The following DCC variants were observed in gnomAD, a reference collection of about 807,000 sequenced individuals.
DCC encodes DCC netrin 1 receptor, also known as netrin receptor DCC.
In DCC, 58 loss-of-function variants were observed where a neutral mutation model predicts 172.5. The observed-to-expected ratio is 0.34, with a 90% CI of 0.27 to 0.42. The LOEUF (loss-of-function observed/expected upper bound fraction) is 0.42, where lower values mean the gene tolerates loss of function less well. DCC is among the 10% of genes least tolerant of loss of function. The probability of loss-of-function intolerance (pLI) is 1.00; values close to 1 mark genes in which losing one functional copy is unlikely to be tolerated. For missense variants in DCC, 1,740 were observed against 1,791.0 expected (o/e 0.97, Z 0.51); for synonymous variants, 709 against 644.5 (o/e 1.10, Z -1.52).
chr18:52,569,900 A>G lies in DCC; in HGVS notation c.92-182154A>G, dbSNP rs965537812. 2.0e-5 allele frequency among the ~76,000 whole-genome samples: 3 copies of G among 152,236 alleles called. No homozygotes were observed. In the East Asian group the frequency reaches 5.8e-4, roughly 29 times the overall value. On this transcript the variant is annotated intron_variant, in intron 1 of 28. Coordinates refer to ENST00000442544, the MANE Select transcript of DCC (RefSeq NM_005215.4). Reference sequence around the variant, plus strand: ...ATTAAGTGCAATTTGAATTATATATATGTATACTCAAAATAAGTTAGAGAA... The same window carrying G: ...ATTAAGTGCAATTTGAATTATATATGTGTATACTCAAAATAAGTTAGAGAA...
intron 1 of DCC, among the ~76,000 whole-genome samples, chr18:52,725,919 C>T (rs2036545030): frequency 6.6e-6 from 1 of 152,156 alleles, no homozygotes; most frequent in South Asian, 2.1e-4. Context: ...TATGAACACT[C>T]TTACACTTTT....
At chr18:52,881,358 G>T (rs1490148315) in intron 2 of DCC, among the ~76,000 whole-genome samples, 3 of 151,896 alleles carry the variant, frequency 2.0e-5, no homozygotes, top group Non-Finnish European at 4.4e-5. Flanking sequence ...AACTTGATGT[G>T]ACCCAGTTTA....
At chr18:53,309,977 TA>T (rs2057247646) in intron 13 of DCC, among the ~76,000 whole-genome samples, 1 of 148,334 alleles carries the variant, frequency 6.7e-6, no homozygotes, top group African/African-American at 2.5e-5. Flanking sequence ...TATATATATA[TA>T]TATACTCTTT....
chr18:53,299,177 G>A (rs957377240), intron 12 of DCC, among the ~76,000 whole-genome samples: 1 of 152,166 alleles, frequency 6.6e-6, no homozygotes, highest in African/African-American at 2.4e-5. Flanking sequence ...AGATGGGCTT[G>A]TGTGTATTTA....
chr18:52,724,414 G>A (rs984796904), intron 1 of DCC, among the ~76,000 whole-genome samples: 4 of 152,080 alleles, frequency 2.6e-5, no homozygotes, highest in Non-Finnish European at 4.4e-5. Context: ...TTCCCAAAGT[G>A]CTGAGATTAC....
chr18:52,477,400 T>C (rs1989124730), intron 1 of DCC, among the ~76,000 whole-genome samples: 1 of 152,144 alleles, frequency 6.6e-6, no homozygotes, highest in East Asian at 1.9e-4. Flanking sequence ...CCCATCTGAA[T>C]TACCATCTTC....
rs896993800 is a variant in DCC, at chr18:53,532,836, AC to A, written c.*2185del. The A allele has an allele frequency of 2.7e-5, 4 of 147,192 alleles. No homozygotes were observed. Among genetic ancestry groups the A allele is most frequent in the African/African-American group, 7.6e-5 (3 of 39,466 alleles). 9.1% of individuals were successfully genotyped at this position (147,192 alleles called of 1,614,324 possible). A position where few individuals can be genotyped will look rare whatever the true frequency, so the allele number is the denominator to read the frequency against. On this transcript the variant is annotated 3_prime_UTR_variant, in exon 29 of 29. Coordinates refer to ENST00000442544, the MANE Select transcript of DCC (RefSeq NM_005215.4). ...TTGACCAATTAAAAAAAAAAAAAAA[AC>A]CTATCATTTTCACAAATTTCTAGAT...
chr18:52,482,004 A>C (rs2029982099), intron 1 of DCC, among the ~76,000 whole-genome samples: 1 of 152,064 alleles, frequency 6.6e-6, no homozygotes, highest in Non-Finnish European at 1.5e-5. Flanking sequence ...ATGCTTAAAT[A>C]GTGTTTTAGT....
intron 1 of DCC, among the ~76,000 whole-genome samples, chr18:52,677,826 G>T (rs914927537): frequency 6.6e-6 from 1 of 152,070 alleles, no homozygotes; most frequent in Non-Finnish European, 1.5e-5. Flanking sequence ...GTCTCAAAAG[G>T]CTGGCTTCTC....
At chr18:52,955,204 C>G (rs536966163) in intron 5 of DCC, among the ~76,000 whole-genome samples, 1 of 152,194 alleles carries the variant, frequency 6.6e-6, no homozygotes, top group South Asian at 2.1e-4. Context: ...CCTTTGTGCT[C>G]TCCCTATTCA....
Position 52,490,556 on chromosome 18 carries a change from C to T in DCC, c.91+149678C>T, listed in dbSNP as rs143660403. Among the ~76,000 whole-genome samples the T allele has an allele frequency of 5.6e-3, 850 of 152,178 alleles. 5 individuals carry two copies. The highest frequency in any genetic ancestry group is 0.019 in the African/African-American group (789 of 41,562). On this transcript the variant is annotated intron_variant, in intron 1 of 28. Transcript: ENST00000442544. ...AGCAGAGCTGGGACTAGAAACCAGG[C>T]ACTTGCTTCCCCGTGAAGGGCGCTT...
At chr18:52,407,093 A>G (rs1368840867) in intron 1 of DCC, among the ~76,000 whole-genome samples, 1 of 151,970 alleles carries the variant, frequency 6.6e-6, no homozygotes, top group Non-Finnish European at 1.5e-5. Context: ...CTGTGGAAAC[A>G]TTTGGTGGCA....
intron 2 of DCC, 124 bp downstream of exon 2, chr18:52,752,498 T>G (rs986960508): frequency 2.6e-6 from 2 of 763,464 alleles, no homozygotes; most frequent in African/African-American, 1.8e-5. Flanking sequence ...AATTTTAAGT[T>G]GACAAGTAAT....
At chr18:52,440,383 G>A (rs1987937098) in intron 1 of DCC, among the ~76,000 whole-genome samples, 2 of 151,964 alleles carry the variant, frequency 1.3e-5, no homozygotes, top group South Asian at 4.1e-4. Context: ...TTTTCTTTTT[G>A]TTTTTAATAA....
intron 1 of DCC, among the ~76,000 whole-genome samples, chr18:52,694,518 G>A (rs1669348565): frequency 6.6e-6 from 1 of 152,122 alleles, no homozygotes; most frequent in African/African-American, 2.4e-5. Context: ...CTCAAAGGAA[G>A]TGTTGTACGC....
chr18:53,192,034 C>A (rs1192107775), intron 9 of DCC, among the ~76,000 whole-genome samples: 1 of 152,192 alleles, frequency 6.6e-6, no homozygotes, highest in Non-Finnish European at 1.5e-5. Context: ...GGTTAATAAA[C>A]TTCTTATCTT....
intron 2 of DCC, among the ~76,000 whole-genome samples, chr18:52,814,143 C>CT (rs376042723): frequency 6.6e-6 from 1 of 152,310 alleles, no homozygotes; most frequent in African/African-American, 2.4e-5. Context: ...TGAGCCACAG[C>CT]TAAGATATCG....
intron 10 of DCC, among the ~76,000 whole-genome samples, chr18:53,205,635 C>T (rs751588444): frequency 2.0e-5 from 3 of 152,086 alleles, no homozygotes; most frequent in East Asian, 1.9e-4. Context: ...AGTGGCCTGG[C>T]GTGTGTGGGC....
intron 1 of DCC, among the ~76,000 whole-genome samples, chr18:52,714,914 T>C (rs2036353356): frequency 6.6e-6 from 1 of 152,174 alleles, no homozygotes; most frequent in South Asian, 2.1e-4. Context: ...GCTGTAGAAG[T>C]TGGACAGTTC....
Sources: gnomAD v4.1 joint callset for allele counts (sites outside exome capture counted in the v4.1 genomes callset) on GRCh38, gnomAD v4.1.1 for gene constraint, MANE v1.5 for transcripts, NCBI Gene and HGNC (gene_info 2026-07-23, HGNC 2026-07-21) for gene names.